The following PPP1R12C variants were observed in gnomAD, a reference collection of about 807,000 sequenced individuals.
The protein encoded by PPP1R12C is protein phosphatase 1 regulatory subunit 12C, also known as leukocyte receptor cluster (LRC) encoded novel gene 3.
A neutral mutation model predicts 95.6 loss-of-function variants in PPP1R12C; 48 were observed. The observed-to-expected ratio is 0.50, with a 90% CI of 0.40 to 0.64. The LOEUF (loss-of-function observed/expected upper bound fraction) is 0.64. Among genes scored for constraint, PPP1R12C ranks in the 30% least tolerant of loss-of-function variants. The probability of loss-of-function intolerance (pLI) is 0.00; values close to 1 mark genes in which losing one functional copy is unlikely to be tolerated. For missense variants in PPP1R12C, 1,057 were observed against 1,083.3 expected (o/e 0.98, Z 0.34); for synonymous variants, 480 against 460.8 (o/e 1.04, Z -0.53).
intron 3 of PPP1R12C, chr19:55,112,013 A>C (rs1162646909): frequency 3.2e-5 from 5 of 156,206 alleles, no homozygotes; most frequent in Non-Finnish European, 7.1e-5. Flanking sequence ...CCTGGACCCC[A>C]TATGAAGGCT....
chr19:55,104,558 C>G (rs1387522095), intron 3 of PPP1R12C, among the ~76,000 whole-genome samples: 2 of 151,738 alleles, frequency 1.3e-5, no homozygotes, highest in South Asian at 2.1e-4. Flanking sequence ...CCAAAATTAG[C>G]TCAGCATGGT....
chr19:55,095,037 G>T, intron 11 of PPP1R12C: 1 of 677,830 alleles, frequency 1.5e-6, no homozygotes, highest in Non-Finnish European at 2.5e-6. Flanking sequence ...GGGTGTGCGT[G>T]TGCGGACGGC....
At chr19:55,113,464 G>A in intron 1 of PPP1R12C, 3 of 1,479,598 alleles carry the variant, frequency 2.0e-6, no homozygotes, top group South Asian at 1.3e-5. Context: ...CTGCAGCCAG[G>A]GGCTGACACG....
At position 55,109,243 on chromosome 19, in the gene PPP1R12C, C is replaced by T. The variant is rs935789770; in HGVS notation, c.571+3224G>A. ...AGCCTACTGAGTAGCTGGGAGCGTA[C>T]GTGCATTCCCACGCCTGGCTAATGT... On this transcript the variant is annotated intron_variant, in intron 3 of 21. Transcript: ENST00000263433. This position sits in a 1 kb window ranked among gnomAD's most constrained non-coding sequence, Gnocchi z 4.4. Among the ~76,000 whole-genome samples the T allele has an allele frequency of 6.6e-6, 1 of 152,160 alleles. No homozygotes were observed. The highest frequency in any genetic ancestry group is 2.4e-5 in the African/African-American group (1 of 41,436).
chr19:55,113,759 C>A, intron 1 of PPP1R12C: 1 of 384,504 alleles, frequency 2.6e-6, no homozygotes, highest in East Asian at 4.5e-5. Flanking sequence ...GAAGGGGCCG[C>A]ACGTGCCCTG....
intron 3 of PPP1R12C, among the ~76,000 whole-genome samples, chr19:55,104,420 G>A (rs916770254): frequency 6.6e-6 from 1 of 151,302 alleles, no homozygotes; most frequent in Non-Finnish European, 1.5e-5. Flanking sequence ...GATTATATTG[G>A]GGGGTGGCAC....
intron 9 of PPP1R12C, 35 bp from the exon 10 acceptor site, chr19:55,095,638 G>A (rs962944093): frequency 1.6e-5 from 25 of 1,524,046 alleles, no homozygotes; most frequent in Non-Finnish European, 2.1e-5. Flanking sequence ...TAGAGAGAAA[G>A]GATCCCTCTT....
chr19:55,098,402 C>T lies in PPP1R12C; in HGVS notation c.951+382G>A, dbSNP rs573438566. ...CTCTAAGTTTTCCCAGCAAGGCTGCCCCGGGGATGGCTGGGGGACACCTTG... is the reference window on the plus strand; with the variant it reads ...CTCTAAGTTTTCCCAGCAAGGCTGCTCCGGGGATGGCTGGGGGACACCTTG... On this transcript the variant is annotated intron_variant, in intron 6 of 21. Transcript: ENST00000263433. 2.1e-4 allele frequency among the ~76,000 whole-genome samples: 32 copies of T among 152,362 alleles called. No individual in the cohort carries two copies. In the South Asian group the frequency reaches 6.2e-3, roughly 30 times the overall value.
At position 55,094,744 on chromosome 19, in the gene PPP1R12C, C is replaced by A; in HGVS notation, c.1509G>T (p.Arg503Ser). ...TCGCTGGGGATTCAGGCTCCGGAAT[C>A]CTGGAGGGAGGCGAGGAGTTCTCCA... ...PCLENSSPPSRIPEPESPAKP... is the reference protein window; with the variant it reads ...PCLENSSPPSSIPEPESPAKP... The change falls in exon 12 of 22, where the codon AGG becomes AGT. Residue 503 changes from arginine to serine, a missense_variant. This residue lies in a region of PPP1R12C where 356 missense variants were observed against 330.5 expected (regional missense o/e 1.08). Coordinates refer to ENST00000263433, the MANE Select transcript of PPP1R12C (RefSeq NM_017607.4). The A allele has an allele frequency of 1.2e-6, 2 of 1,609,164 alleles. No individual in the cohort carries two copies. The highest frequency in any genetic ancestry group is 1.1e-5 in the South Asian group (1 of 89,776).
intron 1 of PPP1R12C, among the ~76,000 whole-genome samples, chr19:55,116,364 G>A (rs76223403): frequency 0.019 from 2,949 of 152,242 alleles, 124 homozygotes; most frequent in African/African-American, 0.067. Context: ...ACATCACGTG[G>A]TGCAGCGCCG....
At chr19:55,098,661 G>T in intron 6 of PPP1R12C, 123 bp downstream of exon 6, 6 of 1,235,714 alleles carry the variant, frequency 4.9e-6, no homozygotes, top group Non-Finnish European at 7.0e-6. Flanking sequence ...CACCAAGAGG[G>T]AAATAGCAGG....
chr19:55,108,608 T>TGTCTGTGGGACA (rs2085063514), intron 3 of PPP1R12C, among the ~76,000 whole-genome samples: 1 of 152,256 alleles, frequency 6.6e-6, no homozygotes, highest in South Asian at 2.1e-4. Context: ...AGACGTGGAA[T>TGTCTGTGGGACA]CAGACAGTAA....
chr19:55,092,548 G>C lies in PPP1R12C; in HGVS notation c.1953-4C>G. 6.3e-7 allele frequency: 1 copy of C among 1,596,912 alleles called. No homozygotes were observed. Among genetic ancestry groups the C allele is most frequent in the Non-Finnish European group, 8.5e-7 (1 of 1,172,446 alleles). On this transcript the variant is annotated splice_polypyrimidine_tract_variant and splice_region_variant and intron_variant, in intron 17 of 21. Transcript: ENST00000263433. ...CGAGGGGCCGCCCTCCAGGGTGCTG[G>C]GGCAGGGGAGGAGCGCGCGTCAGGG...
intron 19 of PPP1R12C, 123 bp from the exon 20 acceptor site, chr19:55,092,032 C>T: frequency 6.2e-6 from 8 of 1,284,724 alleles, no homozygotes; most frequent in Non-Finnish European, 8.8e-6. Context: ...CCCCCACGGG[C>T]CAGGCCCCGC....
intron 4 of PPP1R12C, among the ~76,000 whole-genome samples, chr19:55,102,910 T>C (rs2084993918): frequency 6.6e-6 from 1 of 152,190 alleles, no homozygotes; most frequent in Non-Finnish European, 1.5e-5. Context: ...TCCTATATAT[T>C]TTGAAATTAG....
At chr19:55,104,154 C>T (rs1375621255) in intron 3 of PPP1R12C, among the ~76,000 whole-genome samples, 4 of 102,176 alleles carry the variant, frequency 3.9e-5, no homozygotes, top group Non-Finnish European at 7.3e-5. Context: ...CACAGTGAGA[C>T]TCTGTCTAAA....
chr19:55,103,666 C>A (rs2147197567), intron 3 of PPP1R12C, 98 bp from the exon 4 acceptor site: 1 of 1,226,170 alleles, frequency 8.2e-7, no homozygotes, highest in Non-Finnish European at 1.1e-6. Context: ...CAGTGACTTG[C>A]CCAGAGCTCT....
chr19:55,111,196 T>G, intron 3 of PPP1R12C, among the ~76,000 whole-genome samples: 2 of 150,030 alleles, frequency 1.3e-5, no homozygotes, highest in Admixed American at 6.6e-5. Context: ...GTTGCAGGGT[T>G]TCGTTGGGGG....
At chr19:55,102,057 A>G (rs1039840019) in intron 4 of PPP1R12C, among the ~76,000 whole-genome samples, 1 of 152,198 alleles carries the variant, frequency 6.6e-6, no homozygotes, top group Non-Finnish European at 1.5e-5. Flanking sequence ...GTATATGATC[A>G]CAAAAGAGAG....
Sources: allele counts gnomAD v4.1 joint callset (sites outside exome capture counted in the v4.1 genomes callset), GRCh38; gene constraint gnomAD v4.1.1; regional missense constraint gnomAD v4.1.1; non-coding constraint Gnocchi (gnomAD v3.1); transcripts MANE v1.5; gene names NCBI Gene and HGNC (gene_info 2026-07-23, HGNC 2026-07-21).